MCM10: variants seen among roughly 807,000 people sequenced by gnomAD.
MCM10 encodes minichromosome maintenance 10 replication initiation factor, also known as protein MCM10 homolog.
MCM10 carries 91 observed loss-of-function variants against 109.9 expected under a neutral mutation model. The ratio of observed to expected loss-of-function variants is 0.83; its 90% CI spans 0.70 to 0.99. The LOEUF (loss-of-function observed/expected upper bound fraction) is 0.99. MCM10 is among the 50% of genes least tolerant of loss of function. The pLI is 0.00. For synonymous variants in MCM10, 380 were observed against 387.2 expected, an observed-to-expected ratio of 0.98 and a Z score of 0.22; for missense variants, 1,077 against 1,061.2, an observed-to-expected ratio of 1.01 and a Z score of -0.21.
intron 17 of MCM10, among the ~76,000 whole-genome samples, 174 bp from the exon 18 acceptor site, chr10:13,204,045 G>A (rs1329869507): frequency 1.3e-5 from 2 of 152,096 alleles, no homozygotes; most frequent in Non-Finnish European, 2.9e-5. Flanking sequence ...TGAGGGAGTC[G>A]GGCAATCACA....
intron 13 of MCM10, among the ~76,000 whole-genome samples, chr10:13,194,735 G>A (rs905380022): frequency 3.3e-5 from 5 of 152,168 alleles, no homozygotes; most frequent in Non-Finnish European, 5.9e-5. Flanking sequence ...TTCACACCGC[G>A]TCTTCAGCTG....
At chr10:13,167,725 T>C (rs1834020167) in intron 2 of MCM10, among the ~76,000 whole-genome samples, 1 of 152,178 alleles carries the variant, frequency 6.6e-6, no homozygotes, top group African/African-American at 2.4e-5. Context: ...GTGACAGTGA[T>C]AAAGAAGACA....
At chr10:13,185,725 G>A (rs538498554) in intron 8 of MCM10, among the ~76,000 whole-genome samples, 3 of 152,266 alleles carry the variant, frequency 2.0e-5, no homozygotes, top group African/African-American at 7.2e-5. Flanking sequence ...TTCCTAAAAC[G>A]GTTATAGAGC....
chr10:13,170,592 C>G (rs1010820791), intron 2 of MCM10, among the ~76,000 whole-genome samples: 1 of 152,128 alleles, frequency 6.6e-6, no homozygotes, highest in Admixed American at 6.5e-5. Flanking sequence ...AGCCCAGTGT[C>G]CCCTAAGAAG....
intron 17 of MCM10, among the ~76,000 whole-genome samples, chr10:13,203,399 C>T (rs1378433014): frequency 6.6e-6 from 1 of 152,192 alleles, no homozygotes; most frequent in African/African-American, 2.4e-5. Context: ...ATTGGGCCCA[C>T]CCAGATCATC....
intron 9 of MCM10, among the ~76,000 whole-genome samples, chr10:13,188,633 T>C (rs2131576489): frequency 6.6e-6 from 1 of 152,358 alleles, no homozygotes; most frequent in Middle Eastern, 3.4e-3. Flanking sequence ...TCCTAAAAGC[T>C]GATTTCCTTT....
In MCM10 at chr10:13,192,356, A is replaced by T. The variant is rs7905784; in HGVS notation, c.1618A>T (p.Thr540Ser). ...CTTAAAACAACATTTAGCCAAAGCCACAGCTTCAGGTACCATCAGCTGCAT... is the reference window on the plus strand; with the variant it reads ...CTTAAAACAACATTTAGCCAAAGCCTCAGCTTCAGGTACCATCAGCTGCAT... ...RNLKQHLAKATASGIMGSPKP... is the reference protein window; with the variant it reads ...RNLKQHLAKASASGIMGSPKP... The change falls in exon 12 of 20, where the codon ACA becomes TCA. Residue 540 changes from threonine to serine, a missense_variant. Coordinates refer to ENST00000378714, the MANE Select transcript of MCM10 (RefSeq NM_018518.5). 0.14 allele frequency: 229,395 copies of T among 1,613,626 alleles called. 18,506 individuals are homozygous for T. Among genetic ancestry groups the T allele is most frequent in the Non-Finnish European group, 0.16 (191,983 of 1,179,658 alleles).
intron 2 of MCM10, among the ~76,000 whole-genome samples, chr10:13,165,085 C>G (rs1376460813): frequency 4.6e-5 from 7 of 152,140 alleles, no homozygotes; most frequent in African/African-American, 7.2e-5. Flanking sequence ...TGTTTCCACA[C>G]TCCCAGCAGA....
intron 16 of MCM10, among the ~76,000 whole-genome samples, chr10:13,199,107 G>C (rs192256968): frequency 6.6e-6 from 1 of 152,306 alleles, no homozygotes; most frequent in East Asian, 1.9e-4. Flanking sequence ...TGTTGGCCAG[G>C]CTGATCTCTA....
chr10:13,199,467 G>A (rs372793953), intron 16 of MCM10, among the ~76,000 whole-genome samples: 2 of 152,076 alleles, frequency 1.3e-5, no homozygotes, highest in East Asian at 3.8e-4. Flanking sequence ...TCCCATTCCA[G>A]TATTTTTATA....
At chr10:13,168,782 A>G (rs923493415) in intron 2 of MCM10, among the ~76,000 whole-genome samples, 1 of 152,182 alleles carries the variant, frequency 6.6e-6, no homozygotes, top group Non-Finnish European at 1.5e-5. Context: ...GATATTGATG[A>G]GGTGGTGGGG....
chr10:13,195,288 C>G lies in MCM10; in HGVS notation c.1974+19C>G. The G allele has an allele frequency of 6.4e-7, 1 of 1,556,596 alleles. No individual in the cohort carries two copies. Among genetic ancestry groups the G allele is most frequent in the Non-Finnish European group, 8.7e-7 (1 of 1,146,118 alleles). On this transcript the variant is annotated intron_variant, in intron 14 of 19. Coordinates refer to ENST00000378714, the MANE Select transcript of MCM10 (RefSeq NM_018518.5). ...CAAAAAGGTAACTGGCATCTCTTCT[C>G]TTTAGCACTTGAGTTTGCATTCTGT... is the stretch of plus-strand genomic sequence containing the variant.
intron 2 of MCM10, among the ~76,000 whole-genome samples, chr10:13,170,502 T>C (rs966551754): frequency 6.6e-6 from 1 of 152,188 alleles, no homozygotes; most frequent in Non-Finnish European, 1.5e-5. Flanking sequence ...AGCTGTCTCA[T>C]TGATTGGAGT....
At chr10:13,183,195 C>T in intron 8 of MCM10, 95 bp downstream of exon 8, 1 of 1,380,284 alleles carries the variant, frequency 7.2e-7, no homozygotes. Context: ...GTGGCTCACA[C>T]CTGTAATCCT....
Position 13,204,207 on chromosome 10 carries a change from T to A in MCM10, c.2353-12T>A. ...TTCACCGGCGGTGTGGGTTTTTTGTTGCTCTGTGCAGTGCGCCTATACCCA... is the reference window on the plus strand; with the variant it reads ...TTCACCGGCGGTGTGGGTTTTTTGTAGCTCTGTGCAGTGCGCCTATACCCA... On this transcript the variant is annotated splice_polypyrimidine_tract_variant and intron_variant, in intron 17 of 19. Coordinates refer to ENST00000378714, the MANE Select transcript of MCM10 (RefSeq NM_018518.5). The A allele has an allele frequency of 6.2e-7, 1 of 1,608,664 alleles. No individual in the cohort carries two copies. The highest frequency in any genetic ancestry group is 8.5e-7 in the Non-Finnish European group (1 of 1,176,642).
intron 8 of MCM10, 52 bp downstream of exon 8, chr10:13,183,152 G>A: frequency 1.3e-6 from 2 of 1,582,800 alleles, no homozygotes; most frequent in Non-Finnish European, 1.7e-6. Flanking sequence ...CAAGTTAACT[G>A]AGTTTTATCA....
chr10:13,204,083 G>A lies in MCM10; in HGVS notation c.2353-136G>A, dbSNP rs902119924. 6 of 919,910 alleles carry A rather than the reference G, an allele frequency of 6.5e-6. No individual in the cohort carries two copies. The African/African-American group carries it at 1.0e-4, about 15-fold the overall frequency. The allele number at this position is 919,910 out of a possible 1,614,324, so 57.0% of individuals were successfully genotyped here. A position where few individuals can be genotyped will look rare whatever the true frequency, so the allele number is the denominator to read the frequency against. ...GGTCACTGTAGCAAGAGGCGAAGGT[G>A]GCCCAGTCCCCTAGCAAGGGCCCAG... On this transcript the variant is annotated intron_variant, in intron 17 of 19. Transcript: ENST00000378714.
chr10:13,192,768 T>C (rs1227516408), intron 13 of MCM10, among the ~76,000 whole-genome samples, 200 bp downstream of exon 13: 1 of 151,616 alleles, frequency 6.6e-6, no homozygotes, highest in Non-Finnish European at 1.5e-5. Context: ...CAACACCAAA[T>C]GGTACAGGTT....
At chr10:13,206,995 TAG>T (rs1409679670) in intron 18 of MCM10, among the ~76,000 whole-genome samples, 1 of 152,128 alleles carries the variant, frequency 6.6e-6, no homozygotes, top group African/African-American at 2.4e-5. Flanking sequence ...CTTTTTTTTA[TAG>T]AGACAAGGTC....
Sources: allele counts gnomAD v4.1 joint callset (sites outside exome capture counted in the v4.1 genomes callset), GRCh38; gene constraint gnomAD v4.1.1; transcripts MANE v1.5; gene names NCBI Gene and HGNC (gene_info 2026-07-23, HGNC 2026-07-21).